ZNF846: variants seen among roughly 807,000 people sequenced by gnomAD.
ZNF846 encodes the protein zinc finger protein 420 pseudogene.
ZNF846 carries 15 observed loss-of-function variants against 16.0 expected under a neutral mutation model. The observed-to-expected ratio is 0.94, with a 90% CI of 0.63 to 1.45. The LOEUF is 1.45. ZNF846 is among the 40% of genes most tolerant of loss of function. The pLI, the probability that ZNF846 is intolerant of heterozygous loss-of-function variation, is 0.00. For synonymous variants in ZNF846, 229 were observed against 212.0 expected (o/e 1.08, Z -0.70); for missense variants, 714 against 622.3 (o/e 1.15, Z -1.57).
intron 1 of ZNF846, among the ~76,000 whole-genome samples, chr19:9,767,095 G>C (rs2045328141): frequency 6.6e-6 from 1 of 151,346 alleles, no homozygotes; most frequent in Non-Finnish European, 1.5e-5. Context: ...CCAAAGTGCT[G>C]GGATTACAGG....
downstream of ZNF846, chr19:9,756,326 T>A (rs2045134049): frequency 1.1e-5 from 1 of 88,390 alleles, no homozygotes; most frequent in African/African-American, 5.6e-5. Context: ...TGTGCATATA[T>A]ATGTGTGTGT....
chr19:9,777,998 C>G (rs1268022476), intron 1 of ZNF846, among the ~76,000 whole-genome samples: 3 of 152,140 alleles, frequency 2.0e-5, no homozygotes, highest in Non-Finnish European at 2.9e-5. Flanking sequence ...ACAGTATTAT[C>G]AGATTCAAAT....
upstream of ZNF846, among the ~76,000 whole-genome samples, chr19:9,769,730 CT>C (rs375579263): frequency 1.3e-3 from 196 of 152,128 alleles, no homozygotes; most frequent in African/African-American, 4.5e-3. Flanking sequence ...AATCCCAGCA[CT>C]TTGGGAAGCC....
chr19:9,776,152 G>C (rs1418102541), intron 1 of ZNF846, among the ~76,000 whole-genome samples: 1 of 152,218 alleles, frequency 6.6e-6, no homozygotes, highest in Non-Finnish European at 1.5e-5. Context: ...AGCGAAAACT[G>C]TCAAGGAACA....
At position 9,783,544 on chromosome 19, in the gene ZNF846, AAT is replaced by A. The variant is rs1555714919; in HGVS notation, c.-86+2392_-86+2393del. Among the ~76,000 whole-genome samples the A allele has an allele frequency of 1.4e-3, 155 of 108,790 alleles. 3 individuals carry two copies. Among genetic ancestry groups the A allele is most frequent in the East Asian group, 5.7e-3 (25 of 4,376 alleles). 71.4% of individuals were successfully genotyped at this position (108,790 alleles called of 152,430 possible). On this transcript the variant is annotated intron_variant, in intron 1 of 4. Transcript: ENST00000586814. The stretch of plus-strand genomic sequence containing the variant: ...TCATCACTAAAAAAAAAAAAAAAAA[AAT>A]ATATATATATATATATATATTCTTT...
chr19:9,776,998 C>A (rs533281037), intron 1 of ZNF846, among the ~76,000 whole-genome samples: 2 of 151,710 alleles, frequency 1.3e-5, no homozygotes, highest in East Asian at 3.9e-4. Flanking sequence ...TCTCTGTGGT[C>A]ATCAAATGGT....
chr19:9,772,231 T>C (rs747260934), upstream of ZNF846, among the ~76,000 whole-genome samples: 1 of 152,202 alleles, frequency 6.6e-6, no homozygotes, highest in Non-Finnish European at 1.5e-5. Flanking sequence ...TTCCCAGTGC[T>C]CCATAACTTA....
intron 1 of ZNF846, among the ~76,000 whole-genome samples, chr19:9,767,548 T>C (rs1468795524): frequency 6.6e-6 from 1 of 152,216 alleles, no homozygotes; most frequent in Non-Finnish European, 1.5e-5. Flanking sequence ...TTCTGGCCTT[T>C]CACATTTTCT....
chr19:9,768,076 A>T (rs1213950311), intron 1 of ZNF846, among the ~76,000 whole-genome samples: 3 of 152,156 alleles, frequency 2.0e-5, no homozygotes, highest in Non-Finnish European at 2.9e-5. Context: ...GCTCTTTGGG[A>T]GGTACTGACC....
chr19:9,779,105 C>T (rs1461481512), intron 1 of ZNF846, among the ~76,000 whole-genome samples: 8 of 152,068 alleles, frequency 5.3e-5, no homozygotes, highest in Admixed American at 3.3e-4. Flanking sequence ...GATTAATATC[C>T]ACTTTCTAGC....
rs1175964014 is a variant in ZNF846 at position 9,758,344 on chromosome 19, C to A, written c.733G>T (p.Gly245Ter). ...GGCTTCTCTCCACTGTGAATTCTTCCATGTCCTATAAGGTGTGAGGAATTA... is the reference window on the plus strand; with the variant it reads ...GGCTTCTCTCCACTGTGAATTCTTCAATGTCCTATAAGGTGTGAGGAATTA... The change falls in exon 6 of 6, where the codon GGA (glycine) becomes TGA (stop). Residue 245 changes from glycine to a stop codon, truncating the protein, a stop_gained. Coordinates refer to ENST00000397902, the Ensembl canonical transcript of ZNF846. LOFTEE classifies it low-confidence loss of function (END_TRUNC). The A allele has an allele frequency of 2.5e-6, 4 of 1,613,354 alleles. No individual in the cohort carries two copies. The highest frequency in any genetic ancestry group is 3.4e-6 in the Non-Finnish European group (4 of 1,179,974).
exon 1 of ZNF846, chr19:9,768,545 G>A (rs2045355706): frequency 6.6e-6 from 1 of 152,300 alleles, no homozygotes. Flanking sequence ...CTGGCGGGGA[G>A]GAGGCGCCGC....
chr19:9,762,169 C>A lies in ZNF846; in HGVS notation c.143-1G>T, dbSNP rs2045241050. 3.1e-6 allele frequency: 5 copies of A among 1,613,608 alleles called. No individual in the cohort carries two copies. Among genetic ancestry groups the A allele is most frequent in the Non-Finnish European group, 4.2e-6 (5 of 1,179,644 alleles). ...CTACGTTTGAATAATTCAGACCCTG[C>A]TGGAGGGAAAAATGCACAAAAGAAG... is the stretch of plus-strand genomic sequence containing the variant. On this transcript the variant is annotated splice_acceptor_variant, in intron 3 of 5. Coordinates refer to ENST00000397902, the Ensembl canonical transcript of ZNF846. LOFTEE classifies it high-confidence loss of function.
At chr19:9,763,839 T>C (rs1477664280) in intron 2 of ZNF846, among the ~76,000 whole-genome samples, 2 of 152,234 alleles carry the variant, frequency 1.3e-5, no homozygotes, top group African/African-American at 4.8e-5. Flanking sequence ...CAGAAAGAAT[T>C]AGTAAACATT....
At chr19:9,758,536 G>C (rs1321313085) in exon 6 of ZNF846, 2 of 1,613,280 alleles carry the variant, frequency 1.2e-6, no homozygotes, top group East Asian at 4.5e-5. Context: ...TTTGGAAACT[G>C]GTTGAAGGCT....
downstream of ZNF846, among the ~76,000 whole-genome samples, chr19:9,754,073 TATA>T (rs2045110337): frequency 6.6e-6 from 1 of 151,562 alleles, no homozygotes; most frequent in Admixed American, 6.6e-5. Context: ...GTTTGATACA[TATA>T]ATTTTTTTAT....
chr19:9,784,227 CCTCAGTA>C (rs2045535141), intron 1 of ZNF846, among the ~76,000 whole-genome samples: 2 of 152,114 alleles, frequency 1.3e-5, no homozygotes, highest in Admixed American at 1.3e-4. Flanking sequence ...CTCTGAGTTC[CCTCAGTA>C]TTTATTGATC....
chr19:9,767,929 G>T (rs193229065), intron 1 of ZNF846, among the ~76,000 whole-genome samples: 1 of 152,246 alleles, frequency 6.6e-6, no homozygotes, highest in East Asian at 1.9e-4. Context: ...GCGAAACTCC[G>T]TCTCAAAATA....
chr19:9,772,623 C>T (rs2045398578), upstream of ZNF846, among the ~76,000 whole-genome samples: 1 of 149,678 alleles, frequency 6.7e-6, no homozygotes, highest in Non-Finnish European at 1.5e-5. Flanking sequence ...TGGTAGAGTA[C>T]AAAAAATGAA....
Sources: gnomAD v4.1 joint callset for allele counts (sites outside exome capture counted in the v4.1 genomes callset) on GRCh38, gnomAD v4.1.1 for gene constraint, MANE v1.5 for transcripts, NCBI Gene and HGNC (gene_info 2026-07-23, HGNC 2026-07-21) for gene names.